Variants in FEZ1 observed in about 807,000 individuals in gnomAD.
FEZ1 encodes fasciculation and elongation protein zeta 1.
Under a neutral mutation model 49.3 loss-of-function variants are expected in FEZ1, and 20 were observed. That is an observed-to-expected ratio of 0.41 (90% CI 0.29 to 0.59). FEZ1 has a LOEUF of 0.59. FEZ1 is among the 20% of genes least tolerant of loss of function. FEZ1 has a pLI of 0.36. For missense variants in FEZ1, 413 were observed against 476.0 expected (o/e 0.87, Z 1.23); for synonymous variants, 170 against 180.9 (o/e 0.94, Z 0.48).
At chr11:125,446,642 TTTGTTG>T (rs149136142) in intron 9 of FEZ1, among the ~76,000 whole-genome samples, 72,489 of 151,184 alleles carry the variant, frequency 0.48, 17,833 homozygotes, top group South Asian at 0.65. Flanking sequence ...TTTTTTGTGT[TTTGTTG>T]TTGTTGTTGT....
intron 8 of FEZ1, among the ~76,000 whole-genome samples, chr11:125,451,970 A>C (rs1183629638): frequency 2.0e-5 from 3 of 152,224 alleles, no homozygotes; most frequent in Non-Finnish European, 4.4e-5. Context: ...CCGACCAGGC[A>C]ACCTCAAGTT....
intron 3 of FEZ1, among the ~76,000 whole-genome samples, chr11:125,468,768 T>C (rs1216804862): frequency 6.6e-6 from 1 of 152,140 alleles, no homozygotes; most frequent in African/African-American, 2.4e-5. Context: ...ACACAGCAGA[T>C]ACTGAATGGC....
chr11:125,480,803 G>T (rs936190117), intron 3 of FEZ1, among the ~76,000 whole-genome samples: 5 of 152,158 alleles, frequency 3.3e-5, no homozygotes, highest in African/African-American at 1.2e-4. Context: ...ACTTTGGAAG[G>T]CCAAGGCGGG....
intron 5 of FEZ1, among the ~76,000 whole-genome samples, chr11:125,459,495 G>A (rs1957052555): frequency 6.6e-6 from 1 of 152,144 alleles, no homozygotes; most frequent in South Asian, 2.1e-4. Flanking sequence ...AGGGGGCTGA[G>A]GCAGGAGAAT....
intron 3 of FEZ1, among the ~76,000 whole-genome samples, chr11:125,480,854 A>G (rs1277085586): frequency 6.6e-6 from 1 of 152,136 alleles, no homozygotes; most frequent in African/African-American, 2.4e-5. Flanking sequence ...CCTGGCTAAC[A>G]CAGTGAAACC....
intron 1 of FEZ1, among the ~76,000 whole-genome samples, chr11:125,494,101 A>G (rs1456432061): frequency 6.6e-6 from 1 of 152,214 alleles, no homozygotes; most frequent in South Asian, 2.1e-4. Context: ...TTTTTTGTCA[A>G]CTCATTATCC....
In FEZ1 at chr11:125,444,220, T is replaced by C. The variant is rs56398391; in HGVS notation, c.*1875A>G. On this transcript the variant is annotated 3_prime_UTR_variant, in exon 10 of 10. Coordinates refer to ENST00000278919, the MANE Select transcript of FEZ1 (RefSeq NM_005103.5). ...GATGCCTGGACTAGAGCTTTAGGCA[T>C]TGCAGCAGTTTTCCTGGGGGGATAA... Among the ~76,000 whole-genome samples, 53,013 of 152,080 alleles carry C rather than the reference T, an allele frequency of 0.35. 9,484 individuals are homozygous for C. Among genetic ancestry groups the C allele is most frequent in the South Asian group, 0.49 (2,378 of 4,826 alleles).
At chr11:125,450,089 G>C (rs1956940304) in intron 8 of FEZ1, among the ~76,000 whole-genome samples, 1 of 150,952 alleles carries the variant, frequency 6.6e-6, no homozygotes, top group Non-Finnish European at 1.5e-5. Flanking sequence ...GTGCAGTGGT[G>C]CGATCTCAGC....
intron 9 of FEZ1, 68 bp downstream of exon 9, chr11:125,448,434 G>A: frequency 9.5e-7 from 1 of 1,054,578 alleles, no homozygotes; most frequent in African/African-American, 1.6e-5. Flanking sequence ...AAGCTGGGAA[G>A]GTTCCCTAAC....
intron 4 of FEZ1, among the ~76,000 whole-genome samples, chr11:125,461,014 C>T (rs1028640536): frequency 1.3e-5 from 2 of 152,160 alleles, no homozygotes; most frequent in African/African-American, 4.8e-5. Context: ...ATATTTCATT[C>T]ACCCAACTTT....
chr11:125,472,501 A>G (rs970274399), intron 3 of FEZ1, among the ~76,000 whole-genome samples: 1 of 152,172 alleles, frequency 6.6e-6, no homozygotes, highest in South Asian at 2.1e-4. Flanking sequence ...AATACATTCA[A>G]TGATTAAATA....
At position 125,489,785 on chromosome 11, in the gene FEZ1, C is replaced by G. The variant is rs1957364616; in HGVS notation, c.-8G>C. 1 of 1,524,906 alleles carries G rather than the reference C, an allele frequency of 6.6e-7. No individual in the cohort carries two copies. The highest frequency in any genetic ancestry group is 1.4e-5 in the African/African-American group (1 of 71,918). The allele number at this position is 1,524,906 out of a possible 1,614,324, so 94.5% of individuals were successfully genotyped here. On this transcript the variant is annotated 5_prime_UTR_variant, in exon 2 of 10. Transcript: ENST00000278919. This position sits in a 1 kb window ranked among gnomAD's most constrained non-coding sequence, Gnocchi z 4.2. Reference sequence around the variant, plus strand: ...CACCAGTGGGGCCTCCATTCTTGCTCAGCAGGAGAACAACAGCGACTTTCA... The same window carrying G: ...CACCAGTGGGGCCTCCATTCTTGCTGAGCAGGAGAACAACAGCGACTTTCA...
chr11:125,459,995 C>T (rs1957058253), intron 5 of FEZ1, among the ~76,000 whole-genome samples: 1 of 152,082 alleles, frequency 6.6e-6, no homozygotes, highest in Non-Finnish European at 1.5e-5. Flanking sequence ...ACTCAGGAGG[C>T]TGAGGCTTGA....
At chr11:125,450,078 A>T (rs1455227256) in intron 8 of FEZ1, among the ~76,000 whole-genome samples, 45 of 148,376 alleles carry the variant, frequency 3.0e-4, no homozygotes, top group Admixed American at 3.0e-3. Context: ...TCCAGGCTGG[A>T]GTGCAGTGGT....
chr11:125,453,334 A>G (rs1023760912), intron 7 of FEZ1: 2 of 152,204 alleles, frequency 1.3e-5, no homozygotes, highest in South Asian at 4.1e-4. Flanking sequence ...TCTCCAGGCC[A>G]TAGTTCTCAC....
At chr11:125,466,017 GA>G (rs768571649) in intron 3 of FEZ1, among the ~76,000 whole-genome samples, 105 of 152,154 alleles carry the variant, frequency 6.9e-4, no homozygotes, top group Non-Finnish European at 1.0e-3. Flanking sequence ...AAAGGTTTTT[GA>G]AAAATGACAG....
intron 9 of FEZ1, among the ~76,000 whole-genome samples, chr11:125,447,978 G>A (rs1956913405): frequency 6.6e-6 from 1 of 152,166 alleles, no homozygotes; most frequent in East Asian, 1.9e-4. Context: ...TAACATGGGA[G>A]GGGAGAAGTT....
chr11:125,492,160 T>A (rs1202812454), intron 1 of FEZ1, among the ~76,000 whole-genome samples: 1 of 152,228 alleles, frequency 6.6e-6, no homozygotes, highest in Non-Finnish European at 1.5e-5. Context: ...AAATCCAGTG[T>A]ATATTTTCCA....
At chr11:125,479,751 C>T (rs1353334727) in intron 3 of FEZ1, among the ~76,000 whole-genome samples, 1 of 152,138 alleles carries the variant, frequency 6.6e-6, no homozygotes, top group African/African-American at 2.4e-5. Context: ...AGGTCCTCAC[C>T]AGATATTGAA....
Sources: gnomAD v4.1 joint callset for allele counts (sites outside exome capture counted in the v4.1 genomes callset) on GRCh38, gnomAD v4.1.1 for gene constraint, Gnocchi (gnomAD v3.1) non-coding constraint, MANE v1.5 for transcripts, NCBI Gene and HGNC (gene_info 2026-07-23, HGNC 2026-07-21) for gene names.